Variants in EMID1 observed in about 807,000 individuals in gnomAD.
EMID1 encodes the protein EMI domain containing 1, also known as EMI domain-containing protein 1.
A neutral mutation model predicts 60.6 loss-of-function variants in EMID1; 40 were observed. The ratio of observed to expected loss-of-function variants is 0.66; its 90% CI spans 0.51 to 0.86. The LOEUF (loss-of-function observed/expected upper bound fraction) is 0.86, where lower values mean the gene tolerates loss of function less well. Ranked by LOEUF, EMID1 falls within the 40% of genes least tolerant of loss-of-function variation. EMID1 has a pLI of 0.00. For missense variants in EMID1, 585 were observed against 597.1 expected, an observed-to-expected ratio of 0.98 and a Z score of 0.21; for synonymous variants, 242 against 231.0, an observed-to-expected ratio of 1.05 and a Z score of -0.43.
In EMID1 at chr22:29,259,322, C is replaced by A. The variant is rs1044990706; in HGVS notation, c.*378C>A. On this transcript the variant is annotated 3_prime_UTR_variant, in exon 15 of 15. Transcript: ENST00000334018. ...GGCAGGGGGCAGTCTTCCTCCCCCT[C>A]CCCGACCAAACCTCGGGGAGCCCTC... The A allele has an allele frequency of 1.7e-5, 4 of 238,834 alleles. No homozygotes were observed. Among genetic ancestry groups the A allele is most frequent in the Admixed American group, 5.8e-5 (1 of 17,352 alleles). The allele number at this position is 238,834 out of a possible 1,614,324, so 14.8% of individuals were successfully genotyped here.
intron 8 of EMID1, 137 bp downstream of exon 8, chr22:29,232,539 A>G: frequency 2.0e-6 from 2 of 1,020,192 alleles, no homozygotes; most frequent in Admixed American, 6.0e-5. Context: ...GTCCTCCAGC[A>G]GGCGCCGTTG....
In EMID1 at chr22:29,258,809, T is replaced by G. The variant is rs749577525; in HGVS notation, c.1205-8T>G. 4 of 1,612,754 alleles carry G rather than the reference T, an allele frequency of 2.5e-6. No homozygotes were observed. The highest frequency in any genetic ancestry group is 3.4e-6 in the Non-Finnish European group (4 of 1,179,584). ...TAATGTGGCCTCTCTCCTTCTTCCC[T>G]CCGGCAGAACCAGAGCTGGGGTCTG... On this transcript the variant is annotated splice_region_variant and splice_polypyrimidine_tract_variant and intron_variant, in intron 14 of 14. Transcript: ENST00000334018.
chr22:29,216,421 C>T, intron 3 of EMID1: 1 of 985,466 alleles, frequency 1.0e-6, no homozygotes, highest in Non-Finnish European at 1.2e-6. Flanking sequence ...GCTGTGTTTC[C>T]AAGCATGGCG....
At chr22:29,212,420 C>T (rs1331393354) in intron 1 of EMID1, among the ~76,000 whole-genome samples, 2 of 151,966 alleles carry the variant, frequency 1.3e-5, no homozygotes, top group Non-Finnish European at 2.9e-5. Flanking sequence ...TTCACCTACT[C>T]ATTAGGAGAA....
intron 5 of EMID1, 40 bp from the exon 6 acceptor site, chr22:29,230,980 G>C (rs778173681): frequency 1.3e-6 from 2 of 1,596,100 alleles, no homozygotes; most frequent in Non-Finnish European, 1.7e-6. Context: ...GGGTCCTAGT[G>C]AGACCCTGGT....
At chr22:29,255,620 G>T (rs1569011271) in intron 14 of EMID1, 1 of 343,012 alleles carries the variant, frequency 2.9e-6, no homozygotes, top group African/African-American at 2.1e-5. Flanking sequence ...CTTGAGGAGT[G>T]TAGGGTGCTG....
chr22:29,229,509 G>A (rs1185762087), intron 5 of EMID1, among the ~76,000 whole-genome samples: 1 of 152,054 alleles, frequency 6.6e-6, no homozygotes, highest in East Asian at 1.9e-4. Context: ...CAGGCTTGGT[G>A]GCGCATGCCT....
chr22:29,258,624 G>C (rs1380765033), intron 14 of EMID1, among the ~76,000 whole-genome samples, 193 bp from the exon 15 acceptor site: 2 of 152,176 alleles, frequency 1.3e-5, no homozygotes, highest in Non-Finnish European at 2.9e-5. Context: ...TTGGGCTGGG[G>C]GGCTGGTAAG....
chr22:29,252,015 C>T (rs2041546336), intron 13 of EMID1, among the ~76,000 whole-genome samples: 1 of 152,108 alleles, frequency 6.6e-6, no homozygotes, highest in Non-Finnish European at 1.5e-5. Flanking sequence ...TGCTATGTTG[C>T]CCAGGCTGGT....
chr22:29,250,733 A>ATTTTTTTTTTTTTT (rs748172215), intron 13 of EMID1, among the ~76,000 whole-genome samples: 11 of 22,486 alleles, frequency 4.9e-4, no homozygotes, highest in Admixed American at 7.9e-4. Flanking sequence ...CACCCGGCTA[A>ATTTTTTTTTTTTTT]TTTTTTTTTT....
intron 14 of EMID1, 44 bp downstream of exon 14, chr22:29,254,331 T>G: frequency 6.3e-7 from 1 of 1,584,966 alleles, no homozygotes; most frequent in Non-Finnish European, 8.7e-7. Context: ...AGCCCCTGCC[T>G]GCCAGCCTTC....
At chr22:29,209,062 C>T (rs771372657) in intron 1 of EMID1, among the ~76,000 whole-genome samples, 15 of 152,356 alleles carry the variant, frequency 9.8e-5, no homozygotes, top group Admixed American at 2.6e-4. Flanking sequence ...CACCCCTGCC[C>T]GCCCGGTCCT....
Position 29,243,486 on chromosome 22 carries a change from C to G in EMID1, c.1116C>G (p.His372Gln). 6.2e-7 allele frequency: 1 copy of G among 1,614,180 alleles called. No individual in the cohort carries two copies. Among genetic ancestry groups the G allele is most frequent in the Non-Finnish European group, 8.5e-7 (1 of 1,180,026 alleles). ...AGGGAGACCCTGGTGAGAAGAGCCA[C>G]TGGGTAAGCTCTGGCCTGGCACTGG... ...GPKGDPGEKS[H>Q]WGEGLHQLRE... is the part of the protein sequence containing the mutation. Residue 372 changes from histidine (H) to glutamine (Q), a missense_variant, in exon 13 of 15, where the codon CAC becomes CAG. Coordinates refer to ENST00000334018, the MANE Select transcript of EMID1 (RefSeq NM_133455.4).
intron 5 of EMID1, 88 bp from the exon 6 acceptor site, chr22:29,230,932 G>T: frequency 1.3e-6 from 2 of 1,514,396 alleles, no homozygotes; most frequent in Non-Finnish European, 1.8e-6. Context: ...TCTAGCCTGG[G>T]CAACAGAGCA....
At chr22:29,212,060 ACTGCAACCT>A (rs1462366087) in intron 1 of EMID1, among the ~76,000 whole-genome samples, 1 of 152,132 alleles carries the variant, frequency 6.6e-6, no homozygotes, top group Admixed American at 6.5e-5. Context: ...ATCTGGGCTC[ACTGCAACCT>A]CTGCCTCCCG....
intron 14 of EMID1, among the ~76,000 whole-genome samples, chr22:29,258,357 GCA>G (rs766225973): frequency 8.2e-4 from 125 of 152,146 alleles, no homozygotes; most frequent in Non-Finnish European, 2.4e-4. Context: ...GCCCAAGACT[GCA>G]CAGTAGGTCA....
At chr22:29,253,281 T>C (rs2146455115) in intron 13 of EMID1, among the ~76,000 whole-genome samples, 1 of 151,946 alleles carries the variant, frequency 6.6e-6, no homozygotes, top group South Asian at 2.1e-4. Context: ...CCTTGTCTCT[T>C]AAAAAAAAGA....
intron 13 of EMID1, among the ~76,000 whole-genome samples, chr22:29,243,919 A>G (rs1450781282): frequency 6.6e-6 from 1 of 152,226 alleles, no homozygotes; most frequent in Non-Finnish European, 1.5e-5. Context: ...ACACAGGAGA[A>G]TGGGATAGAG....
Position 29,254,232 on chromosome 22 carries a change from T to C in EMID1, c.1149T>C (p.Ala383=). 6.2e-7 allele frequency: 1 copy of C among 1,614,222 alleles called. No homozygotes were observed. Among genetic ancestry groups the C allele is most frequent in the Non-Finnish European group, 8.5e-7 (1 of 1,180,030 alleles). Residue 383 remains alanine, a synonymous_variant, in exon 14 of 15, where the codon GCT becomes GCC. Coordinates refer to ENST00000334018, the MANE Select transcript of EMID1 (RefSeq NM_133455.4). ...WGEGLHQLRE[A]LKILAERVLI... ...AGGGGTTGCACCAGCTACGCGAGGC[T>C]TTGAAGATTTTAGCTGAGAGGGTTT... is the stretch of plus-strand genomic sequence containing the variant.
Sources: gnomAD v4.1 joint callset for allele counts (sites outside exome capture counted in the v4.1 genomes callset) on GRCh38, gnomAD v4.1.1 for gene constraint, MANE v1.5 for transcripts, NCBI Gene and HGNC (gene_info 2026-07-23, HGNC 2026-07-21) for gene names.